The following BCAS4 variants were observed in gnomAD, a reference collection of about 807,000 sequenced individuals.
BCAS4 encodes the protein breast carcinoma amplified sequence 4, also known as breast carcinoma-amplified sequence 4.
Under a neutral mutation model 15.7 loss-of-function variants are expected in BCAS4, and 9 were observed. The observed-to-expected ratio is 0.57, with a 90% CI of 0.34 to 1.00. The LOEUF is 1.00. BCAS4 is among the 50% of genes least tolerant of loss of function. The pLI, the probability that BCAS4 is intolerant of heterozygous loss-of-function variation, is 0.02. For synonymous variants in BCAS4, 101 were observed against 99.5 expected, an observed-to-expected ratio of 1.02 and a Z score of -0.09; for missense variants, 225 against 239.1, an observed-to-expected ratio of 0.94 and a Z score of 0.39.
At chr20:50,797,718 T>G (rs2123740394) in intron 1 of BCAS4, among the ~76,000 whole-genome samples, 1 of 152,116 alleles carries the variant, frequency 6.6e-6, no homozygotes, top group African/African-American at 2.4e-5. Flanking sequence ...CAGGCTGGAG[T>G]GCAATGGTGT....
At chr20:50,806,075 G>A (rs184211333) in intron 1 of BCAS4, among the ~76,000 whole-genome samples, 3 of 152,110 alleles carry the variant, frequency 2.0e-5, no homozygotes, top group East Asian at 1.9e-4. Context: ...GCATGGCTTC[G>A]GTGTCATTTG....
At chr20:50,812,378 C>A (rs927363838) in intron 1 of BCAS4, among the ~76,000 whole-genome samples, 5 of 121,322 alleles carry the variant, frequency 4.1e-5, no homozygotes, top group South Asian at 2.4e-4. Context: ...TGTGATCCGC[C>A]CCCCCTTGGC....
intron 4 of BCAS4, among the ~76,000 whole-genome samples, chr20:50,845,799 G>A (rs1297680505): frequency 6.6e-6 from 1 of 152,248 alleles, no homozygotes; most frequent in Non-Finnish European, 1.5e-5. Context: ...AAGGATATTG[G>A]GTGGCCCCAC....
intron 4 of BCAS4, among the ~76,000 whole-genome samples, chr20:50,859,465 C>T (rs1022443091): frequency 6.6e-6 from 1 of 151,824 alleles, no homozygotes; most frequent in Non-Finnish European, 1.5e-5. Context: ...GGAGAGGTGT[C>T]TGAGGAGGAG....
At chr20:50,820,887 T>C (rs570239316) in intron 2 of BCAS4, among the ~76,000 whole-genome samples, 102 of 152,194 alleles carry the variant, frequency 6.7e-4, no homozygotes, top group Non-Finnish European at 1.2e-3. Flanking sequence ...CTGCAGATAA[T>C]TTGATGTTTC....
chr20:50,810,425 C>G (rs1207157904), intron 1 of BCAS4, among the ~76,000 whole-genome samples: 1 of 151,894 alleles, frequency 6.6e-6, no homozygotes, highest in Admixed American at 6.6e-5. Context: ...GTTGGAAGGC[C>G]AACTTTGAAA....
intron 2 of BCAS4, among the ~76,000 whole-genome samples, chr20:50,821,030 G>A (rs923786043): frequency 1.3e-5 from 2 of 152,116 alleles, no homozygotes; most frequent in Admixed American, 1.3e-4. Flanking sequence ...TGCAAGCATC[G>A]GCCGCCATGT....
At chr20:50,817,321 G>C (rs555713077) in intron 1 of BCAS4, among the ~76,000 whole-genome samples, 1 of 152,306 alleles carries the variant, frequency 6.6e-6, no homozygotes, top group South Asian at 2.1e-4. Flanking sequence ...GGCTAAGTAA[G>C]CCCTGTTAAT....
chr20:50,844,733 T>TG (rs1253710223), intron 4 of BCAS4, among the ~76,000 whole-genome samples: 1 of 145,694 alleles, frequency 6.9e-6, no homozygotes, highest in East Asian at 2.0e-4. Flanking sequence ...GCACTCCTGC[T>TG]GCAGGGATGT....
At chr20:50,806,862 CTTTTTTTTTTTTTT>C (rs34670373) in intron 1 of BCAS4, among the ~76,000 whole-genome samples, 23 of 83,376 alleles carry the variant, frequency 2.8e-4, no homozygotes, top group African/African-American at 1.4e-3. Flanking sequence ...TCCATTTATA[CTTTTTTTTTTTTTT>C]TTTTTTTTTT....
At chr20:50,840,601 C>G in intron 3 of BCAS4, 1 of 1,581,256 alleles carries the variant, frequency 6.3e-7, no homozygotes, top group Non-Finnish European at 8.7e-7. Flanking sequence ...TGCATATTGA[C>G]GGCACACGCC....
intron 4 of BCAS4, among the ~76,000 whole-genome samples, chr20:50,875,786 GAAAAA>G (rs34402774): frequency 2.1e-5 from 3 of 144,386 alleles, no homozygotes; most frequent in Admixed American, 6.9e-5. Flanking sequence ...CGTCTCAAAA[GAAAAA>G]AAAAAATCAG....
intron 4 of BCAS4, among the ~76,000 whole-genome samples, chr20:50,859,684 G>A (rs771594754): frequency 2.6e-4 from 39 of 152,176 alleles, no homozygotes; most frequent in Non-Finnish European, 3.8e-4. Context: ...GGAGCTTAGG[G>A]AGCTTAGAGC....
At chr20:50,800,205 T>C (rs576391590) in intron 1 of BCAS4, among the ~76,000 whole-genome samples, 2 of 152,270 alleles carry the variant, frequency 1.3e-5, no homozygotes, top group African/African-American at 4.8e-5. Context: ...ATGGAGGTCT[T>C]CCCTGAGGCA....
chr20:50,840,822 G>A (rs1041050818), intron 3 of BCAS4: 2 of 1,018,654 alleles, frequency 2.0e-6, no homozygotes, highest in Non-Finnish European at 3.1e-6. Context: ...CCACCACTGA[G>A]TTGTCCAATT....
chr20:50,853,737 G>C (rs113159929), intron 4 of BCAS4, among the ~76,000 whole-genome samples: 1 of 37,104 alleles, frequency 2.7e-5, no homozygotes, highest in Non-Finnish European at 5.5e-5. Context: ...TTTGTGTACT[G>C]GGGGGTGTTT....
intron 4 of BCAS4, among the ~76,000 whole-genome samples, chr20:50,862,791 C>T (rs1440319444): frequency 6.6e-6 from 1 of 152,176 alleles, no homozygotes; most frequent in African/African-American, 2.4e-5. Flanking sequence ...GGCATCTGAG[C>T]ACCTGCTGGT....
chr20:50,826,114 G>A (rs757851605), intron 2 of BCAS4, among the ~76,000 whole-genome samples: 1 of 152,068 alleles, frequency 6.6e-6, no homozygotes, highest in Non-Finnish European at 1.5e-5. Context: ...TTTGTTCCCC[G>A]GTGCTCTGAC....
rs1272861099 is a variant in BCAS4, at chr20:50,837,653, G to A, written c.265-4113G>A. ...ACATCCTGGCTGTGTGGGTGGACGT[G>A]TGCGTCTCCTCTCCCCGGAGTCGGA... On this transcript the variant is annotated intron_variant, in intron 3 of 4. Coordinates refer to ENST00000371608, the MANE Select transcript of BCAS4 (RefSeq NM_198799.4). Among the ~76,000 whole-genome samples the A allele has an allele frequency of 2.0e-5, 3 of 152,330 alleles. No individual in the cohort carries two copies. In the East Asian group the frequency reaches 5.8e-4, roughly 29 times the overall value.
Sources: allele counts gnomAD v4.1 joint callset (sites outside exome capture counted in the v4.1 genomes callset), GRCh38; gene constraint gnomAD v4.1.1; transcripts MANE v1.5; gene names NCBI Gene and HGNC (gene_info 2026-07-23, HGNC 2026-07-21).